Variants in RIMBP2 observed in about 807,000 individuals in gnomAD.
RIMBP2 encodes RIMS-binding protein 2.
Under a neutral mutation model 118.6 loss-of-function variants are expected in RIMBP2, and 48 were observed. The ratio of observed to expected loss-of-function variants is 0.40; its 90% CI spans 0.32 to 0.51. The LOEUF (loss-of-function observed/expected upper bound fraction) is 0.51. Among genes scored for constraint, RIMBP2 ranks in the 20% least tolerant of loss-of-function variants. The probability of loss-of-function intolerance (pLI) is 0.41; values close to 1 mark genes in which losing one functional copy is unlikely to be tolerated. For synonymous variants in RIMBP2, 762 were observed against 742.9 expected (o/e 1.03, Z -0.42); for missense variants, 1,551 against 1,768.3 (o/e 0.88, Z 2.20).
chr12:130,552,177 A>C (rs935923109), intron 2 of RIMBP2, among the ~76,000 whole-genome samples: 8 of 152,240 alleles, frequency 5.3e-5, no homozygotes, highest in Non-Finnish European at 1.2e-4. Context: ...CAACTGCTTC[A>C]TGTGTTTTAG....
intron 4 of RIMBP2, among the ~76,000 whole-genome samples, chr12:130,489,408 CTT>C (rs1437805026): frequency 6.6e-6 from 1 of 152,120 alleles, no homozygotes; most frequent in African/African-American, 2.4e-5. Flanking sequence ...CTCTCCTTCT[CTT>C]GTTTTGCTCT....
intron 2 of RIMBP2, among the ~76,000 whole-genome samples, chr12:130,575,684 G>T (rs1213888343): frequency 6.6e-6 from 1 of 152,206 alleles, no homozygotes; most frequent in East Asian, 1.9e-4. Flanking sequence ...GCTAAGTAGT[G>T]ATAAGCACTG....
intron 1 of RIMBP2, among the ~76,000 whole-genome samples, chr12:130,695,930 C>G (rs1440105731): frequency 1.3e-5 from 2 of 151,804 alleles, no homozygotes; most frequent in African/African-American, 2.4e-5. Context: ...AGATGAAATA[C>G]GTTGCCATTT....
chr12:130,662,905 A>G (rs1327219430), intron 1 of RIMBP2, among the ~76,000 whole-genome samples: 2 of 152,128 alleles, frequency 1.3e-5, no homozygotes, highest in East Asian at 1.9e-4. Flanking sequence ...TCAGTGAGCT[A>G]TGATCATGCC....
intron 2 of RIMBP2, among the ~76,000 whole-genome samples, chr12:130,608,707 C>T (rs148589190): frequency 3.3e-5 from 5 of 152,332 alleles, no homozygotes; most frequent in South Asian, 4.1e-4. Flanking sequence ...TCATGTATCA[C>T]GTGGCATTTT....
chr12:130,593,200 A>G (rs1219319609), intron 2 of RIMBP2, among the ~76,000 whole-genome samples: 1 of 152,104 alleles, frequency 6.6e-6, no homozygotes, highest in African/African-American at 2.4e-5. Context: ...GGGACCCTCC[A>G]CCCACTGACA....
intron 3 of RIMBP2, among the ~76,000 whole-genome samples, chr12:130,514,807 A>T (rs903534638): frequency 3.3e-5 from 5 of 152,164 alleles, no homozygotes; most frequent in Non-Finnish European, 7.3e-5. Flanking sequence ...CTTTCCTGCA[A>T]GTGTAGGTTT....
At chr12:130,640,393 A>G (rs2062564565) in intron 1 of RIMBP2, among the ~76,000 whole-genome samples, 1 of 152,208 alleles carries the variant, frequency 6.6e-6, no homozygotes, top group Non-Finnish European at 1.5e-5. Flanking sequence ...GCTTATCTTC[A>G]GCCCAATTAT....
rs770004902 is a variant in RIMBP2 at position 130,442,040 on chromosome 12, C to T, written c.1312G>A (p.Val438Ile). The T allele has an allele frequency of 2.5e-5, 40 of 1,614,030 alleles. No individual in the cohort carries two copies. The highest frequency in any genetic ancestry group is 1.6e-4 in the Middle Eastern group (1 of 6,084). The change falls in exon 11 of 23, where the codon GTC (valine) becomes ATC (isoleucine). Residue 438 changes from valine to isoleucine, a missense_variant. Transcript: ENST00000690449. This position sits in a 1 kb window ranked among gnomAD's most constrained non-coding sequence, Gnocchi z 6.9. ...WLPTNSNYSH[V>I]IFLNEEEFDI... The stretch of plus-strand genomic sequence containing the variant: ...AACTCCTCCTCGTTGAGGAAGATGA[C>T]GTGGCTGTAGTTGCTGTTGGTGGGT...
chr12:130,596,811 A>G (rs2059588594), intron 2 of RIMBP2, among the ~76,000 whole-genome samples: 1 of 152,250 alleles, frequency 6.6e-6, no homozygotes, highest in Non-Finnish European at 1.5e-5. Context: ...ACCAAACCGT[A>G]TATCTGAACT....
At chr12:130,562,792 G>T (rs1240158881) in intron 2 of RIMBP2, among the ~76,000 whole-genome samples, 1 of 152,238 alleles carries the variant, frequency 6.6e-6, no homozygotes, top group Non-Finnish European at 1.5e-5. Flanking sequence ...ATGGATGTCA[G>T]CAAGCAACCA....
At chr12:130,664,120 TA>T (rs1257305066) in intron 1 of RIMBP2, among the ~76,000 whole-genome samples, 4 of 151,436 alleles carry the variant, frequency 2.6e-5, no homozygotes, top group Non-Finnish European at 4.4e-5. Context: ...AAAATAAAAA[TA>T]AAAAAGAAGT....
intron 5 of RIMBP2, 131 bp from the exon 6 acceptor site, chr12:130,470,874 T>A (rs559275014): frequency 1.7e-4 from 77 of 461,778 alleles, no homozygotes; most frequent in African/African-American, 1.4e-3. Flanking sequence ...TTAAAATTAT[T>A]CCTACATTCA....
At position 130,647,920 on chromosome 12, in the gene RIMBP2, A is replaced by G. The variant is rs189679178; in HGVS notation, c.-351-19464T>C. Reference sequence around the variant, plus strand: ...CCTGCACTAAATGCCTCTCTTTCTCATGCTGCAAACCTCGGTGTGGCTGTT... The same window carrying G: ...CCTGCACTAAATGCCTCTCTTTCTCGTGCTGCAAACCTCGGTGTGGCTGTT... On this transcript the variant is annotated intron_variant, in intron 1 of 22. Coordinates refer to ENST00000690449, the MANE Select transcript of RIMBP2 (RefSeq NM_001393629.1). Among the ~76,000 whole-genome samples the G allele has an allele frequency of 1.9e-3, 257 of 132,750 alleles. 16 individuals are homozygous for G. Among genetic ancestry groups the G allele is most frequent in the African/African-American group, 5.0e-3 (199 of 39,924 alleles). The allele number at this position is 132,750 out of a possible 152,430, so 87.1% of individuals were successfully genotyped here. A position where few individuals can be genotyped will look rare whatever the true frequency, so the allele number is the denominator to read the frequency against.
At chr12:130,561,695 T>C (rs900939111) in intron 2 of RIMBP2, among the ~76,000 whole-genome samples, 2 of 152,308 alleles carry the variant, frequency 1.3e-5, no homozygotes, top group Middle Eastern at 3.4e-3. Flanking sequence ...CTCCCATTTT[T>C]AAATTAAGGG....
At position 130,434,267 on chromosome 12, in the gene RIMBP2, T is replaced by C. The variant is rs934040824; in HGVS notation, c.2253+467A>G. Among the ~76,000 whole-genome samples, 2 of 152,230 alleles carry C rather than the reference T, an allele frequency of 1.3e-5. No individual in the cohort carries two copies. The highest frequency in any genetic ancestry group is 4.8e-5 in the African/African-American group (2 of 41,472). ...AATTAGACAGAAACCCCAAACTGGC[T>C]GAATGTCTTCCTCATGAGCCCAGCT... is the stretch of plus-strand genomic sequence containing the variant. On this transcript the variant is annotated intron_variant, in intron 14 of 22. Transcript: ENST00000690449. The surrounding 1 kb of genome is among the most constrained non-coding windows in gnomAD (Gnocchi z 5.7).
At chr12:130,586,205 A>G (rs1057199294) in intron 2 of RIMBP2, among the ~76,000 whole-genome samples, 2 of 152,204 alleles carry the variant, frequency 1.3e-5, no homozygotes, top group African/African-American at 4.8e-5. Context: ...CTATAATCCC[A>G]GCAGTTTGGG....
chr12:130,584,202 A>G (rs1249094659), intron 2 of RIMBP2, among the ~76,000 whole-genome samples: 1 of 145,174 alleles, frequency 6.9e-6, no homozygotes, highest in Non-Finnish European at 1.5e-5. Context: ...CCACCTTATC[A>G]CCACCATCAC....
At chr12:130,681,520 C>G (rs1202833706) in intron 1 of RIMBP2, among the ~76,000 whole-genome samples, 2 of 144,498 alleles carry the variant, frequency 1.4e-5, no homozygotes, top group Non-Finnish European at 3.0e-5. Context: ...AACCTCTATT[C>G]TACTTTTTGT....
Sources: gnomAD v4.1 joint callset for allele counts (sites outside exome capture counted in the v4.1 genomes callset) on GRCh38, gnomAD v4.1.1 for gene constraint, Gnocchi (gnomAD v3.1) non-coding constraint, MANE v1.5 for transcripts, NCBI Gene and HGNC (gene_info 2026-07-23, HGNC 2026-07-21) for gene names.